The following HDAC9 variants were observed in gnomAD, a reference collection of about 807,000 sequenced individuals.
The protein encoded by HDAC9 is MEF-2 interacting transcription repressor (MITR) protein.
In HDAC9, 41 loss-of-function variants were observed where a neutral mutation model predicts 139.4. The observed-to-expected ratio is 0.29, with a 90% CI of 0.23 to 0.38. The LOEUF (loss-of-function observed/expected upper bound fraction) is 0.38, where lower values mean the gene tolerates loss of function less well. Among genes scored for constraint, HDAC9 ranks in the 10% least tolerant of loss-of-function variants. The probability of loss-of-function intolerance (pLI) is 1.00; values close to 1 mark genes in which losing one functional copy is unlikely to be tolerated. For missense variants in HDAC9, 1,147 were observed against 1,297.0 expected (o/e 0.88, Z 1.78); for synonymous variants, 517 against 476.2 (o/e 1.09, Z -1.12).
intron 25 of HDAC9, 41 bp downstream of exon 25, chr7:18,975,994 T>C: frequency 6.3e-7 from 1 of 1,582,256 alleles, no homozygotes. Flanking sequence ...GTCAGTCATA[T>C]CCAGGCTCAT....
intron 1 of HDAC9, among the ~76,000 whole-genome samples, chr7:18,090,932 A>AT (rs1257407469): frequency 1.3e-5 from 2 of 152,120 alleles, no homozygotes; most frequent in Non-Finnish European, 2.9e-5. Flanking sequence ...TCCCACTAGA[A>AT]TTTTTTTAGG....
At chr7:18,725,249 C>A (rs1302981388) in intron 12 of HDAC9, among the ~76,000 whole-genome samples, 1 of 152,106 alleles carries the variant, frequency 6.6e-6, no homozygotes, top group African/African-American at 2.4e-5. Flanking sequence ...CCAATGTAGG[C>A]TTAAAATGTA....
chr7:18,582,805 C>A (rs1286132241), intron 2 of HDAC9, among the ~76,000 whole-genome samples: 2 of 152,098 alleles, frequency 1.3e-5, no homozygotes. Flanking sequence ...AAATATGTAA[C>A]ACTTCTTGAT....
intron 1 of HDAC9, among the ~76,000 whole-genome samples, chr7:18,456,149 C>A (rs534421189): frequency 1.3e-5 from 2 of 152,256 alleles, no homozygotes; most frequent in Admixed American, 1.3e-4. Context: ...TGAGCTAGAA[C>A]AAATTTTGAT....
intron 1 of HDAC9, among the ~76,000 whole-genome samples, chr7:18,422,936 T>C (rs1178189537): frequency 2.0e-5 from 3 of 152,196 alleles, no homozygotes; most frequent in Non-Finnish European, 4.4e-5. Flanking sequence ...TTCAATCTCA[T>C]AGTCCAAGGT....
At chr7:18,591,376 T>C (rs749806876) in intron 4 of HDAC9, 140 bp from the exon 5 acceptor site, 20 of 1,214,368 alleles carry the variant, frequency 1.6e-5, no homozygotes, top group Non-Finnish European at 2.1e-5. Context: ...AGGAAAACTT[T>C]ATGTGCTGTG....
At chr7:18,687,387 C>T (rs2129094723) in intron 12 of HDAC9, among the ~76,000 whole-genome samples, 1 of 151,870 alleles carries the variant, frequency 6.6e-6, no homozygotes, top group Non-Finnish European at 1.5e-5. Context: ...CTTGAAATAA[C>T]AGATATTCAA....
intron 2 of HDAC9, among the ~76,000 whole-genome samples, chr7:18,530,623 A>C (rs1285075311): frequency 1.3e-5 from 2 of 152,010 alleles, no homozygotes; most frequent in African/African-American, 4.8e-5. Context: ...ACATTCATTA[A>C]CTTTTTATTT....
At chr7:18,716,910 T>A (rs1274942615) in intron 12 of HDAC9, among the ~76,000 whole-genome samples, 1 of 151,880 alleles carries the variant, frequency 6.6e-6, no homozygotes, top group Non-Finnish European at 1.5e-5. Context: ...TCCTGTCTTA[T>A]AAGTCACATT....
chr7:18,717,172 G>C (rs1449043978), intron 12 of HDAC9, among the ~76,000 whole-genome samples: 3 of 152,012 alleles, frequency 2.0e-5, no homozygotes, highest in African/African-American at 4.8e-5. Flanking sequence ...CTGTTACAAG[G>C]GGCCACCACT....
intron 2 of HDAC9, among the ~76,000 whole-genome samples, chr7:18,172,972 T>C (rs1562706130): frequency 1.3e-5 from 2 of 152,182 alleles, no homozygotes; most frequent in African/African-American, 2.4e-5. Context: ...TAGGTCTGCT[T>C]GGTGCAGAGC....
intron 1 of HDAC9, among the ~76,000 whole-genome samples, chr7:18,157,144 A>G (rs1787272772): frequency 6.6e-6 from 1 of 152,218 alleles, no homozygotes; most frequent in South Asian, 2.1e-4. Flanking sequence ...TCCTTTGCAG[A>G]CAGAGACACA....
At chr7:18,572,786 G>A (rs543254290) in intron 2 of HDAC9, among the ~76,000 whole-genome samples, 1 of 152,138 alleles carries the variant, frequency 6.6e-6, no homozygotes, top group Admixed American at 6.5e-5. Flanking sequence ...GCTTGATTTT[G>A]TTTCCGTAGT....
intron 1 of HDAC9, among the ~76,000 whole-genome samples, chr7:18,381,222 GAAAAGAAAA>G (rs1280704063): frequency 6.9e-5 from 9 of 130,272 alleles, no homozygotes; most frequent in Admixed American, 1.5e-4. Context: ...AAAAAAAAAG[GAAAAGAAAA>G]AAAAGAAAAA....
At chr7:18,617,053 T>C (rs929314378) in intron 6 of HDAC9, among the ~76,000 whole-genome samples, 1 of 152,194 alleles carries the variant, frequency 6.6e-6, no homozygotes. Flanking sequence ...GGTGCCTAGT[T>C]TTCCTTTATT....
At chr7:18,498,454 A>G (rs531622990) in intron 2 of HDAC9, among the ~76,000 whole-genome samples, 1 of 152,228 alleles carries the variant, frequency 6.6e-6, no homozygotes, top group South Asian at 2.1e-4. Flanking sequence ...GCTAGGGAAC[A>G]GATGGTGATG....
intron 2 of HDAC9, among the ~76,000 whole-genome samples, chr7:18,553,345 C>T (rs1475088043): frequency 1.3e-5 from 2 of 151,970 alleles, no homozygotes; most frequent in Non-Finnish European, 2.9e-5. Context: ...GGTGCTTTTC[C>T]CCCCTCAAGA....
At chr7:18,814,844 C>T (rs996854642) in intron 17 of HDAC9, among the ~76,000 whole-genome samples, 1 of 152,130 alleles carries the variant, frequency 6.6e-6, no homozygotes, top group African/African-American at 2.4e-5. Context: ...AAACTAAAAT[C>T]ATCTATCCAA....
At chr7:18,116,478 T>C (rs1783990703) in intron 1 of HDAC9, among the ~76,000 whole-genome samples, 1 of 152,124 alleles carries the variant, frequency 6.6e-6, no homozygotes. Flanking sequence ...ATATTCAGTG[T>C]TTAAAAATAA....
Sources: allele counts gnomAD v4.1 joint callset (sites outside exome capture counted in the v4.1 genomes callset), GRCh38; gene constraint gnomAD v4.1.1; transcripts MANE v1.5; gene names NCBI Gene and HGNC (gene_info 2026-07-23, HGNC 2026-07-21).